The following CYP4F8 variants were observed in gnomAD, a reference collection of about 807,000 sequenced individuals.
CYP4F8 encodes cytochrome P450 4F8.
Under a neutral mutation model 55.0 loss-of-function variants are expected in CYP4F8, and 56 were observed. The observed-to-expected ratio is 1.02, with a 90% CI of 0.82 to 1.27. The LOEUF (loss-of-function observed/expected upper bound fraction) is 1.27, where lower values mean the gene tolerates loss of function less well. Among genes scored for constraint, CYP4F8 ranks in the 50% most tolerant of loss-of-function variants. The probability of loss-of-function intolerance (pLI) is 0.00; values close to 1 mark genes in which losing one functional copy is unlikely to be tolerated. For missense variants in CYP4F8, 680 were observed against 682.4 expected (o/e 1.00, Z 0.04); for synonymous variants, 288 against 267.3 (o/e 1.08, Z -0.76).
chr19:15,623,832 G>A (rs1972227299), intron 8 of CYP4F8, 67 bp downstream of exon 8: 5 of 1,601,942 alleles, frequency 3.1e-6, no homozygotes, highest in South Asian at 1.1e-5. Context: ...GTGGAGGGCC[G>A]GCCCTGAATC....
At position 15,615,754 on chromosome 19, in the gene CYP4F8, C is replaced by T; in HGVS notation, c.138C>T (p.Arg46=). The change falls in exon 2 of 13, where the codon CGC becomes CGT. Residue 46 remains arginine (R), a synonymous_variant. Coordinates refer to ENST00000612078, the MANE Select transcript of CYP4F8 (RefSeq NM_007253.4). ...AWTYAFYHNG[R]RLRCFPQPRK... Reference sequence around the variant, plus strand: ...CCTATGCCTTCTATCACAACGGCCGCCGCCTCCGGTGTTTCCCGCAGCCCC... The same window carrying T: ...CCTATGCCTTCTATCACAACGGCCGTCGCCTCCGGTGTTTCCCGCAGCCCC... 1.2e-6 allele frequency: 2 copies of T among 1,614,068 alleles called. No individual in the cohort carries two copies. Among genetic ancestry groups the T allele is most frequent in the East Asian group, 2.2e-5 (1 of 44,858 alleles).
At position 15,624,101 on chromosome 19, in the gene CYP4F8, G is replaced by T; in HGVS notation, c.1115+7G>T. The T allele has an allele frequency of 6.2e-7, 1 of 1,612,850 alleles. No homozygotes were observed. Among genetic ancestry groups the T allele is most frequent in the Non-Finnish European group, 8.5e-7 (1 of 1,178,990 alleles). The stretch of plus-strand genomic sequence containing the variant: ...AGCCTAAAGAGATTGAATGGTGAGT[G>T]CAGGTGCTGGTGGCTCTGCCTTTCT... On this transcript the variant is annotated splice_region_variant and intron_variant, in intron 9 of 12. Coordinates refer to ENST00000612078, the MANE Select transcript of CYP4F8 (RefSeq NM_007253.4).
intron 5 of CYP4F8, chr19:15,621,795 A>G (rs1352537644): frequency 1.8e-5 from 3 of 163,082 alleles, no homozygotes; most frequent in African/African-American, 4.8e-5. Flanking sequence ...CCTCTCCCCC[A>G]TGCCATGACA....
chr19:15,629,231 A>T lies in CYP4F8; in HGVS notation c.1436A>T (p.Lys479Met). 6.2e-7 allele frequency: 1 copy of T among 1,612,892 alleles called. No individual in the cohort carries two copies. Among genetic ancestry groups the T allele is most frequent in the Non-Finnish European group, 8.5e-7 (1 of 1,179,534 alleles). Residue 479 changes from lysine to methionine, a missense_variant, in exon 13 of 13, where the codon AAG (lysine) becomes ATG (methionine). Transcript: ENST00000612078. The stretch of plus-strand genomic sequence containing the variant: ...CAGAAGTTCGCGATGGCAGAGATGA[A>T]GGTGGTCCTGGCGCTCACGCTGCTG... ...IGQKFAMAEMKVVLALTLLRF... is the reference protein window; with the variant it reads ...IGQKFAMAEMMVVLALTLLRF...
At chr19:15,622,386 G>A in intron 6 of CYP4F8, 46 bp downstream of exon 6, 2 of 1,530,798 alleles carry the variant, frequency 1.3e-6, no homozygotes, top group Non-Finnish European at 1.8e-6. Flanking sequence ...GAGTGGGGGT[G>A]TGGGTGTGGG....
At chr19:15,616,146 TTC>T (rs1972117198) in intron 2 of CYP4F8, among the ~76,000 whole-genome samples, 1 of 98,302 alleles carries the variant, frequency 1.0e-5, no homozygotes, top group Admixed American at 9.4e-5. Flanking sequence ...CACTCACTCA[TTC>T]TCCTCACTCA....
chr19:15,620,040 C>T (rs982759741), intron 5 of CYP4F8, among the ~76,000 whole-genome samples: 1 of 152,214 alleles, frequency 6.6e-6, no homozygotes, highest in African/African-American at 2.4e-5. Flanking sequence ...ATGACACGTG[C>T]ATAGTAGTCA....
intron 2 of CYP4F8, among the ~76,000 whole-genome samples, chr19:15,616,337 C>A (rs1972122122): frequency 6.6e-6 from 1 of 152,052 alleles, no homozygotes; most frequent in Non-Finnish European, 1.5e-5. Flanking sequence ...TCTGCTTTGC[C>A]ATGCCAAGCC....
chr19:15,618,527 C>T lies in CYP4F8; in HGVS notation c.343+383C>T, dbSNP rs373957406. On this transcript the variant is annotated intron_variant, in intron 3 of 12. Coordinates refer to ENST00000612078, the MANE Select transcript of CYP4F8 (RefSeq NM_007253.4). ...TAGGAGAACAAGGTTTCTACTGGGG[C>T]AGGCTGGAAGGCTTCCTGGAGGAGG... The T allele has an allele frequency of 6.5e-4, 234 of 360,122 alleles. 1 individual carries two copies. Among genetic ancestry groups the T allele is most frequent in the South Asian group, 5.0e-3 (227 of 45,332 alleles). 22.3% of individuals were successfully genotyped at this position (360,122 alleles called of 1,614,324 possible).
rs141696823 is a variant in CYP4F8, at chr19:15,615,669, C to G, written c.53C>G (p.Pro18Arg). 1 of 1,613,974 alleles carries G rather than the reference C, an allele frequency of 6.2e-7. No individual in the cohort carries two copies. The highest frequency in any genetic ancestry group is 8.5e-7 in the Non-Finnish European group (1 of 1,179,944). ...WLGLRPVAAS[P>R]WLLLLVVGAS... Reference sequence around the variant, plus strand: ...GGCCTCAGGCCGGTGGCAGCATCCCCGTGGCTGCTCCTGCTGGTGGTCGGG... The same window carrying G: ...GGCCTCAGGCCGGTGGCAGCATCCCGGTGGCTGCTCCTGCTGGTGGTCGGG... Residue 18 changes from proline (P) to arginine (R), a missense_variant, in exon 2 of 13, where the codon CCG becomes CGG. Transcript: ENST00000612078.
In CYP4F8 at chr19:15,618,027, G is replaced by T; in HGVS notation, c.226G>T (p.Val76Phe). The T allele has an allele frequency of 1.9e-6, 3 of 1,614,086 alleles. No homozygotes were observed. The highest frequency in any genetic ancestry group is 2.2e-5 in the South Asian group (2 of 91,080). Residue 76 changes from valine to phenylalanine, a missense_variant, in exon 3 of 13, where the codon GTC (valine) becomes TTC (phenylalanine). Physicochemically the swap from Val to Phe is conservative, Grantham distance 50 (BLOSUM62 -1). Transcript: ENST00000612078. ...CACTCCCACAGAGGAGGGCTTGAGG[G>T]TCCTGACCCAGCTGGTGGCCACCTA... ...LVTPTEEGLR[V>F]LTQLVATYPQ...
intron 5 of CYP4F8, 119 bp from the exon 6 acceptor site, chr19:15,622,100 G>T: frequency 7.4e-7 from 1 of 1,347,476 alleles, no homozygotes; most frequent in East Asian, 2.6e-5. Flanking sequence ...CTGAGGATGG[G>T]GGTCTGGGAC....
intron 5 of CYP4F8, among the ~76,000 whole-genome samples, chr19:15,620,600 C>T (rs901572687): frequency 6.6e-6 from 1 of 152,060 alleles, no homozygotes; most frequent in Non-Finnish European, 1.5e-5. Flanking sequence ...CCATGTTGGG[C>T]AGGCTGGTCT....
chr19:15,615,949 CCACTCATTCCTCTCCTCACT>C (rs1160750884), intron 2 of CYP4F8, 135 bp downstream of exon 2: 4 of 165,950 alleles, frequency 2.4e-5, no homozygotes, highest in Admixed American at 1.4e-4. Flanking sequence ...ATTCCTCTTC[CCACTCATTCCTCTCCTCACT>C]CACTCATTCC....
Position 15,629,481 on chromosome 19 carries a change from G to C in CYP4F8, c.*123G>C. 2 of 1,337,838 alleles carry C rather than the reference G, an allele frequency of 1.5e-6. No homozygotes were observed. Among genetic ancestry groups the C allele is most frequent in the Non-Finnish European group, 2.0e-6 (2 of 1,013,400 alleles). 82.9% of individuals were successfully genotyped at this position (1,337,838 alleles called of 1,614,324 possible). ...CTCAGTCCCGCGGATGGCCAGTAGG[G>C]GGCGCTGGAGGACTGCGGGGATCTA... On this transcript the variant is annotated 3_prime_UTR_variant, in exon 13 of 13. Transcript: ENST00000612078.
intron 5 of CYP4F8, chr19:15,621,639 T>C (rs1471817322): frequency 6.6e-6 from 1 of 152,264 alleles, no homozygotes; most frequent in Non-Finnish European, 1.5e-5. Flanking sequence ...GGACTTTTTG[T>C]AATCAATTTA....
At chr19:15,619,189 G>A in intron 3 of CYP4F8, 1 of 343,246 alleles carries the variant, frequency 2.9e-6, no homozygotes, top group Non-Finnish European at 5.4e-6. Context: ...AATGTGTTTT[G>A]TAGAGTGTTG....
chr19:15,615,696 C>T lies in CYP4F8; in HGVS notation c.80C>T (p.Ala27Val), dbSNP rs763701506. 9.3e-6 allele frequency: 15 copies of T among 1,613,916 alleles called. No homozygotes were observed. The Admixed American group carries it at 1.7e-4, about 18-fold the overall frequency. Reference sequence around the variant, plus strand: ...TGGCTGCTCCTGCTGGTGGTCGGGGCCTCCTGGCTCCTGGCCCGCATCCTG... The same window carrying T: ...TGGCTGCTCCTGCTGGTGGTCGGGGTCTCCTGGCTCCTGGCCCGCATCCTG... Reference protein sequence around the residue: ...SPWLLLLVVGASWLLARILAW... With the variant: ...SPWLLLLVVGVSWLLARILAW... The change falls in exon 2 of 13, where the codon GCC (alanine) becomes GTC (valine). Residue 27 changes from alanine to valine, a missense_variant. By Grantham distance (64) the Ala-to-Val change is moderately conservative (BLOSUM62 0). Coordinates refer to ENST00000612078, the MANE Select transcript of CYP4F8 (RefSeq NM_007253.4).
Position 15,626,738 on chromosome 19 carries a change from G to A in CYP4F8, c.1116-1564G>A, listed in dbSNP as rs577395227. Among the ~76,000 whole-genome samples the A allele has an allele frequency of 5.3e-5, 8 of 152,184 alleles. No individual in the cohort carries two copies. The South Asian group carries it at 6.2e-4, about 12-fold the overall frequency. On this transcript the variant is annotated intron_variant, in intron 9 of 12. Coordinates refer to ENST00000612078, the MANE Select transcript of CYP4F8 (RefSeq NM_007253.4). ...GCACAGAAATCCTTAATTTGCATGCGTATTTATCCTTTATATTTTATCTTG... is the reference window on the plus strand; with the variant it reads ...GCACAGAAATCCTTAATTTGCATGCATATTTATCCTTTATATTTTATCTTG...
Sources: allele counts gnomAD v4.1 joint callset (sites outside exome capture counted in the v4.1 genomes callset), GRCh38; gene constraint gnomAD v4.1.1; transcripts MANE v1.5; gene names NCBI Gene and HGNC (gene_info 2026-07-23, HGNC 2026-07-21).